The following LINS1 variants were observed in gnomAD, a reference collection of about 807,000 sequenced individuals.
The protein encoded by LINS1 is protein Lines homolog 1.
Under a neutral mutation model 41.6 loss-of-function variants are expected in LINS1, and 27 were observed. The observed-to-expected ratio is 0.65, with a 90% CI of 0.48 to 0.89. LINS1 has a LOEUF of 0.89. LINS1 is among the 40% of genes least tolerant of loss of function. The pLI, the probability that LINS1 is intolerant of heterozygous loss-of-function variation, is 0.00. For missense variants in LINS1, 955 were observed against 884.1 expected, an observed-to-expected ratio of 1.08 and a Z score of -1.02; for synonymous variants, 336 against 312.9, an observed-to-expected ratio of 1.07 and a Z score of -0.78.
chr15:100,573,314 T>TAAA, intron 5 of LINS1: 2 of 856,722 alleles, frequency 2.3e-6, no homozygotes, highest in Non-Finnish European at 2.9e-6. Context: ...CAGTTTAGAT[T>TAAA]AAAAAAAAAA....
At chr15:100,577,282 C>T (rs868236861) in intron 3 of LINS1, among the ~76,000 whole-genome samples, 1,537 of 152,258 alleles carry the variant, frequency 0.01, 31 homozygotes, top group African/African-American at 0.035. Context: ...AAAACCCCAT[C>T]GTCTCAGCCC....
At chr15:100,578,476 T>C (rs917998741) in intron 3 of LINS1, among the ~76,000 whole-genome samples, 15 of 151,508 alleles carry the variant, frequency 9.9e-5, no homozygotes, top group African/African-American at 3.6e-4. Flanking sequence ...CACAGTGAGA[T>C]ACCATCTCAC....
chr15:100,600,867 C>G (rs544174622), intron 1 of LINS1, among the ~76,000 whole-genome samples: 1 of 152,272 alleles, frequency 6.6e-6, no homozygotes, highest in East Asian at 1.9e-4. Flanking sequence ...TTCTGAAAAA[C>G]CAATCCACTT....
At position 100,574,106 on chromosome 15, in the gene LINS1, A is replaced by G; in HGVS notation, c.767T>C (p.Leu256Pro). Residue 256 changes from leucine to proline, a missense_variant, in exon 5 of 7, where the codon CTT becomes CCT. Transcript: ENST00000314742. ...GATTCTGGAGGCGATGAGAAGCTCA[A>G]GCAAATCCAGGAAACACATCAGGAT... ...VNILMCFLDL[L>P]ELLIASRIHL... is the part of the protein sequence containing the mutation. The G allele has an allele frequency of 6.2e-7, 1 of 1,614,224 alleles. No individual in the cohort carries two copies. The highest frequency in any genetic ancestry group is 8.5e-7 in the Non-Finnish European group (1 of 1,180,008).
At chr15:100,581,803 A>G (rs951148982) in intron 1 of LINS1, among the ~76,000 whole-genome samples, 8 of 152,224 alleles carry the variant, frequency 5.3e-5, no homozygotes, top group African/African-American at 1.9e-4. Flanking sequence ...CCCTCTCCCC[A>G]GTGGGAAAAA....
At chr15:100,580,397 T>G (rs1206392937) in intron 2 of LINS1, 45 bp from the exon 3 acceptor site, 1 of 1,606,042 alleles carries the variant, frequency 6.2e-7, no homozygotes, top group Non-Finnish European at 8.5e-7. Context: ...TGAATGTTCT[T>G]AAAATTATTT....
intron 5 of LINS1, chr15:100,573,415 A>C (rs1342033056): frequency 8.8e-7 from 1 of 1,138,390 alleles, no homozygotes; most frequent in Non-Finnish European, 1.1e-6. Context: ...CAACTTTTTT[A>C]AACCTAAATC....
rs567087932 is a variant in LINS1, at chr15:100,602,134, C to G, written c.-117G>C. On this transcript the variant is annotated 5_prime_UTR_variant, in exon 1 of 7. Coordinates refer to ENST00000314742, the MANE Select transcript of LINS1 (RefSeq NM_001040616.3). Reference sequence around the variant, plus strand: ...CCGGTTACCTGCCTGGGATCTGGCTCAGGCGAACTCTCTTCACACCGCCAT... The same window carrying G: ...CCGGTTACCTGCCTGGGATCTGGCTGAGGCGAACTCTCTTCACACCGCCAT... 2 of 152,348 alleles carry G rather than the reference C, an allele frequency of 1.3e-5. No individual in the cohort carries two copies. The highest frequency in any genetic ancestry group is 2.9e-5 in the Non-Finnish European group (2 of 68,134). The allele number at this position is 152,348 out of a possible 1,614,324, so 9.4% of individuals were successfully genotyped here.
intron 1 of LINS1, among the ~76,000 whole-genome samples, chr15:100,582,016 G>T (rs1221133568): frequency 6.6e-6 from 1 of 152,230 alleles, no homozygotes; most frequent in Non-Finnish European, 1.5e-5. Context: ...AGACTTCTCT[G>T]CCCTGACCCG....
intron 1 of LINS1, among the ~76,000 whole-genome samples, chr15:100,598,966 A>G (rs2039359705): frequency 6.6e-6 from 1 of 152,184 alleles, no homozygotes; most frequent in African/African-American, 2.4e-5. Context: ...CACTGACATC[A>G]CTGGAACATT....
intron 1 of LINS1, among the ~76,000 whole-genome samples, chr15:100,581,892 A>G (rs150653890): frequency 2.6e-5 from 4 of 152,336 alleles, no homozygotes; most frequent in Non-Finnish European, 5.9e-5. Context: ...CTGCTCCTTT[A>G]AACAGGTTGT....
Position 100,569,714 on chromosome 15 carries a change from G to T in LINS1, c.1798C>A (p.Pro600Thr). The stretch of plus-strand genomic sequence containing the variant: ...CCCTTGGACATCACAGCTTTCAGTG[G>T]TTCAGAGGGAGCATCGGAAGCCCAG... ...HSWASDAPSE[P>T]LKAVMSKGAH... Residue 600 changes from proline (P) to threonine (T), a missense_variant, in exon 7 of 7, where the codon CCA becomes ACA. Physicochemically the swap from Pro to Thr is conservative, Grantham distance 38. Transcript: ENST00000314742. The T allele has an allele frequency of 6.2e-7, 1 of 1,613,902 alleles. No homozygotes were observed. Among genetic ancestry groups the T allele is most frequent in the Non-Finnish European group, 8.5e-7 (1 of 1,179,876 alleles).
intron 3 of LINS1, among the ~76,000 whole-genome samples, chr15:100,576,913 A>G (rs1419697311): frequency 2.6e-5 from 4 of 152,254 alleles, no homozygotes; most frequent in Admixed American, 6.5e-5. Flanking sequence ...AAACAGAACC[A>G]AAGACAAAAA....
At chr15:100,576,144 A>C (rs2038161607) in intron 3 of LINS1, among the ~76,000 whole-genome samples, 1 of 152,164 alleles carries the variant, frequency 6.6e-6, no homozygotes, top group Admixed American at 6.6e-5. Flanking sequence ...CACATTCAAA[A>C]GCTAGCAGAA....
In LINS1 at chr15:100,573,919, T is replaced by A; in HGVS notation, c.954A>T (p.Gly318=). 3.7e-6 allele frequency: 6 copies of A among 1,614,248 alleles called. No homozygotes were observed. Among genetic ancestry groups the A allele is most frequent in the Middle Eastern group, 1.6e-4 (1 of 6,062 alleles). The part of the protein sequence containing the change: ...LCKVGEDLCR[G]SVPALMPPDH... ...CTGGCGGCATTAAGGCAGGCACAGA[T>A]CCACGACAGAGGTCTTCACCCACTT... Residue 318 remains glycine, a synonymous_variant, in exon 5 of 7, where the codon GGA becomes GGT. Transcript: ENST00000314742.
intron 5 of LINS1, 99 bp downstream of exon 5, chr15:100,573,552 T>A: frequency 1.2e-6 from 1 of 866,530 alleles, no homozygotes. Flanking sequence ...ACAGCTTAAA[T>A]TACTGGAATT....
Position 100,570,156 on chromosome 15 carries a change from T to A in LINS1, c.1395-39A>T, listed in dbSNP as rs1171158195. ...TAATGGAGAATGCAGATTAATGACCTTACAAAAATAAACAGTTTTACCAGA... is the reference window on the plus strand; with the variant it reads ...TAATGGAGAATGCAGATTAATGACCATACAAAAATAAACAGTTTTACCAGA... On this transcript the variant is annotated intron_variant, in intron 6 of 6. Transcript: ENST00000314742. 4.1e-6 allele frequency: 6 copies of A among 1,471,310 alleles called. No homozygotes were observed. The Admixed American group carries it at 7.8e-5, about 19-fold the overall frequency. The allele number at this position is 1,471,310 out of a possible 1,614,324, so 91.1% of individuals were successfully genotyped here.
intron 1 of LINS1, among the ~76,000 whole-genome samples, chr15:100,590,579 C>T (rs1339301873): frequency 6.6e-6 from 1 of 152,236 alleles, no homozygotes; most frequent in African/African-American, 2.4e-5. Flanking sequence ...GGCTGTATAA[C>T]AGATTCTTCT....
chr15:100,583,294 G>C (rs2038653177), intron 1 of LINS1, among the ~76,000 whole-genome samples: 1 of 152,220 alleles, frequency 6.6e-6, no homozygotes, highest in Admixed American at 6.5e-5. Flanking sequence ...TGGCCCACTA[G>C]CCTAGTCTTG....
Sources: allele counts gnomAD v4.1 joint callset (sites outside exome capture counted in the v4.1 genomes callset), GRCh38; gene constraint gnomAD v4.1.1; transcripts MANE v1.5; gene names NCBI Gene and HGNC (gene_info 2026-07-23, HGNC 2026-07-21).